Variants in SEL1L2 observed in about 807,000 individuals in gnomAD.
SEL1L2 encodes protein sel-1 homolog 2.
A neutral mutation model predicts 98.8 loss-of-function variants in SEL1L2; 89 were observed. The observed-to-expected ratio is 0.90, with a 90% CI of 0.76 to 1.07. SEL1L2 has a LOEUF of 1.07. Ranked by LOEUF, SEL1L2 falls within the 50% of genes least tolerant of loss-of-function variation. The pLI is 0.00. For synonymous variants in SEL1L2, 262 were observed against 278.5 expected (o/e 0.94, Z 0.59); for missense variants, 788 against 812.0 (o/e 0.97, Z 0.36).
chr20:13,875,234 A>T (rs1159454061), intron 12 of SEL1L2, among the ~76,000 whole-genome samples: 1 of 152,196 alleles, frequency 6.6e-6, no homozygotes, highest in African/African-American at 2.4e-5. Context: ...CCTTGTGAGC[A>T]GCTGGGACTA....
At chr20:13,892,482 T>C (rs1056028351) in intron 5 of SEL1L2, among the ~76,000 whole-genome samples, 2 of 150,494 alleles carry the variant, frequency 1.3e-5, no homozygotes, top group Non-Finnish European at 3.0e-5. Flanking sequence ...ATTTTATAAA[T>C]TATTCATGGT....
At position 13,917,786 on chromosome 20, in the gene SEL1L2, C is replaced by CTTTTTTTTTTTTTTTTTTTTT. The variant is rs5840588; in HGVS notation, c.386+1214_386+1234dup. Reference sequence around the variant, plus strand: ...CCATACTTTCTTTATTTCTTTCTTTCTTTTTTTTTTTTTTTTTTTTTTTTT... The same window carrying CTTTTTTTTTTTTTTTTTTTTT: ...CCATACTTTCTTTATTTCTTTCTTTCTTTTTTTTTTTTTTTTTTTTTTTTTTTTTTTTTTTTTTTTTTTTTT... On this transcript the variant is annotated intron_variant, in intron 4 of 19. Transcript: ENST00000284951. 3.8e-4 allele frequency among the ~76,000 whole-genome samples: 19 copies of CTTTTTTTTTTTTTTTTTTTTT among 50,104 alleles called. 2 individuals are homozygous for CTTTTTTTTTTTTTTTTTTTTT. The highest frequency in any genetic ancestry group is 5.0e-4 in the Non-Finnish European group (15 of 30,088). 32.9% of individuals were successfully genotyped at this position (50,104 alleles called of 152,430 possible).
chr20:13,951,885 G>A (rs1053846309), intron 2 of SEL1L2, among the ~76,000 whole-genome samples: 8 of 151,814 alleles, frequency 5.3e-5, no homozygotes, highest in Non-Finnish European at 1.2e-4. Flanking sequence ...TCCAGCTGCA[G>A]CTCAGAAAGA....
At chr20:13,977,695 G>C (rs1227776896) in intron 1 of SEL1L2, among the ~76,000 whole-genome samples, 1 of 152,114 alleles carries the variant, frequency 6.6e-6, no homozygotes, top group Admixed American at 6.5e-5. Flanking sequence ...TGTTCTGCAA[G>C]GGGGTCTGTT....
intron 5 of SEL1L2, among the ~76,000 whole-genome samples, chr20:13,889,943 A>C (rs1465618844): frequency 6.6e-6 from 1 of 152,274 alleles, no homozygotes; most frequent in Non-Finnish European, 1.5e-5. Flanking sequence ...TGGAATAGGA[A>C]GCCTCAGACT....
chr20:13,908,692 C>T (rs151076247), intron 5 of SEL1L2, among the ~76,000 whole-genome samples: 41 of 152,158 alleles, frequency 2.7e-4, no homozygotes, highest in African/African-American at 8.7e-4. Context: ...AAGACTATTC[C>T]GTTAATTAAT....
At chr20:13,945,493 T>C (rs190928496) in intron 2 of SEL1L2, among the ~76,000 whole-genome samples, 7 of 151,004 alleles carry the variant, frequency 4.6e-5, no homozygotes, top group African/African-American at 1.5e-4. Context: ...TACATATATA[T>C]ATATATATTT....
chr20:13,963,640 CG>C (rs1461196152), intron 1 of SEL1L2, among the ~76,000 whole-genome samples: 2 of 151,722 alleles, frequency 1.3e-5, no homozygotes, highest in Middle Eastern at 3.4e-3. Context: ...TGCTTGGACC[CG>C]GGAGGTAGAG....
chr20:13,963,122 T>C (rs1320940697), intron 1 of SEL1L2, among the ~76,000 whole-genome samples: 2 of 151,556 alleles, frequency 1.3e-5, no homozygotes, highest in East Asian at 1.9e-4. Flanking sequence ...CTCTCTATTA[T>C]AGTTCTTACC....
At chr20:13,885,832 G>A (rs1371651413) in intron 9 of SEL1L2, among the ~76,000 whole-genome samples, 2 of 152,120 alleles carry the variant, frequency 1.3e-5, no homozygotes, top group East Asian at 3.9e-4. Context: ...TCAGGAGATC[G>A]AGACCATCCT....
rs2047026250 is a variant in SEL1L2 at position 13,887,812 on chromosome 20, A to G, written c.702T>C (p.Asn234=). 2 of 1,613,366 alleles carry G rather than the reference A, an allele frequency of 1.2e-6. No individual in the cohort carries two copies. The highest frequency in any genetic ancestry group is 2.7e-5 in the African/African-American group (2 of 74,922). Reference sequence around the variant, plus strand: ...TGTAATAACTTAGGGCAACTTCACAATTCTGTAGAACATTGATTCCCGACA... The same window carrying G: ...TGTAATAACTTAGGGCAACTTCACAGTTCTGTAGAACATTGATTCCCGACA... ...RYLSGINVLQ[N]CEVALSYYKK... is the part of the protein sequence containing the mutation. Residue 234 remains asparagine (N), a synonymous_variant, in exon 8 of 20, where the codon AAT becomes AAC. Coordinates refer to ENST00000284951, the MANE Select transcript of SEL1L2 (RefSeq NM_025229.2).
rs556695674 is a variant in SEL1L2 at position 13,946,948 on chromosome 20, G to A, written c.114+9128C>T. On this transcript the variant is annotated intron_variant, in intron 2 of 19. Coordinates refer to ENST00000284951, the MANE Select transcript of SEL1L2 (RefSeq NM_025229.2). Reference sequence around the variant, plus strand: ...CACTGACGAGCATGGGAGGGAGGCCGAGGGGGTACTGAGGATGGCTCAATG... The same window carrying A: ...CACTGACGAGCATGGGAGGGAGGCCAAGGGGGTACTGAGGATGGCTCAATG... Among the ~76,000 whole-genome samples, 14 of 152,330 alleles carry A rather than the reference G, an allele frequency of 9.2e-5. No individual in the cohort carries two copies. The East Asian group carries it at 1.4e-3, about 15-fold the overall frequency.
In SEL1L2 at chr20:13,953,512, G is replaced by T. The variant is rs143545769; in HGVS notation, c.114+2564C>A. On this transcript the variant is annotated intron_variant, in intron 2 of 19. Transcript: ENST00000284951. ...AGCAGTTAGATGTACTTCTGCAGAG[G>T]GGGGAATGAGACAGCCAGGTGTAAA... Among the ~76,000 whole-genome samples, 44 of 152,270 alleles carry T rather than the reference G, an allele frequency of 2.9e-4. 1 individual carries two copies. The East Asian group carries it at 7.9e-3, about 27-fold the overall frequency.
At chr20:13,956,521 A>T (rs1001544471) in intron 1 of SEL1L2, among the ~76,000 whole-genome samples, 6 of 152,172 alleles carry the variant, frequency 3.9e-5, no homozygotes, top group Non-Finnish European at 8.8e-5. Context: ...TAGAAGAGGA[A>T]ATATAACATT....
At chr20:13,951,638 T>C (rs1277964584) in intron 2 of SEL1L2, among the ~76,000 whole-genome samples, 1 of 14,890 alleles carries the variant, frequency 6.7e-5, no homozygotes. Context: ...ATCTAGCCTA[T>C]GTAGAAATAG....
intron 1 of SEL1L2, among the ~76,000 whole-genome samples, chr20:13,986,256 A>G (rs957719226): frequency 3.9e-5 from 6 of 152,192 alleles, no homozygotes; most frequent in African/African-American, 1.4e-4. Context: ...GGTGAAATCC[A>G]TATAACATAA....
At chr20:13,945,055 A>T (rs745564085) in intron 2 of SEL1L2, among the ~76,000 whole-genome samples, 7 of 152,198 alleles carry the variant, frequency 4.6e-5, no homozygotes, top group Non-Finnish European at 1.0e-4. Context: ...AATTGAGTAG[A>T]TGGAGAACTA....
chr20:13,961,650 TACTCAGTC>T (rs1600937387), intron 1 of SEL1L2, among the ~76,000 whole-genome samples: 1 of 152,360 alleles, frequency 6.6e-6, no homozygotes, highest in East Asian at 1.9e-4. Context: ...ATGAGAAAGC[TACTCAGTC>T]ACAAACATGG....
At chr20:13,886,149 A>C in intron 9 of SEL1L2, 139 bp downstream of exon 9, 1 of 497,046 alleles carries the variant, frequency 2.0e-6, no homozygotes, top group Non-Finnish European at 3.4e-6. Context: ...ACAAAACAGG[A>C]GTAGGGTGAG....
Sources: allele counts gnomAD v4.1 joint callset (sites outside exome capture counted in the v4.1 genomes callset), GRCh38; gene constraint gnomAD v4.1.1; transcripts MANE v1.5; gene names NCBI Gene and HGNC (gene_info 2026-07-23, HGNC 2026-07-21).